ASIC1: variants seen among roughly 807,000 people sequenced by gnomAD.
The protein encoded by ASIC1 is acid-sensing ion channel 1.
In ASIC1, 21 loss-of-function variants were observed where a neutral mutation model predicts 63.4. The ratio of observed to expected loss-of-function variants is 0.33; its 90% CI spans 0.23 to 0.48. ASIC1 has a LOEUF of 0.48. Ranked by LOEUF, ASIC1 falls within the 20% of genes least tolerant of loss-of-function variation. The probability of loss-of-function intolerance (pLI) is 0.99; values close to 1 mark genes in which losing one functional copy is unlikely to be tolerated. For missense variants in ASIC1, 478 were observed against 695.5 expected, an observed-to-expected ratio of 0.69 and a Z score of 3.52; for synonymous variants, 258 against 278.2, an observed-to-expected ratio of 0.93 and a Z score of 0.72.
intron 3 of ASIC1, among the ~76,000 whole-genome samples, chr12:50,069,537 G>A (rs985541636): frequency 1.3e-5 from 2 of 151,984 alleles, no homozygotes; most frequent in Non-Finnish European, 2.9e-5. Flanking sequence ...CAAGTGATCC[G>A]CCCATTTCAG....
chr12:50,077,579 A>G (rs950232299), intron 4 of ASIC1, among the ~76,000 whole-genome samples: 2 of 150,766 alleles, frequency 1.3e-5, no homozygotes, highest in African/African-American at 4.9e-5. Context: ...GTAACCAGCC[A>G]TCCTCTTCCA....
At chr12:50,073,470 T>C (rs964035604) in intron 3 of ASIC1, 271 of 1,427,930 alleles carry the variant, frequency 1.9e-4, no homozygotes, top group Non-Finnish European at 2.3e-4. Flanking sequence ...GATACCTGGC[T>C]GACGGGCTGG....
In ASIC1 at chr12:50,078,646, T is replaced by A; in HGVS notation, c.994+69T>A. The A allele has an allele frequency of 6.3e-7, 1 of 1,591,036 alleles. No homozygotes were observed. Among genetic ancestry groups the A allele is most frequent in the Non-Finnish European group, 8.6e-7 (1 of 1,166,424 alleles). ...TTTGCTGCCCTTCACTAGCTCCCCA[T>A]CCATATCAATCTCCCAACCCCAGTT... is the stretch of plus-strand genomic sequence containing the variant. On this transcript the variant is annotated intron_variant, in intron 6 of 11. Transcript: ENST00000447966. The surrounding 1 kb of genome is among the most constrained non-coding windows in gnomAD (Gnocchi z 6.0).
Position 50,078,601 on chromosome 12 carries a change from A to G in ASIC1, c.994+24A>G, listed in dbSNP as rs1278314090. ...AGGTCAGGCCTGGGGCTCCGAGCAT[A>G]CTCCTGGGGTCCCTGGGCCTTTGCT... On this transcript the variant is annotated intron_variant, in intron 6 of 11. Transcript: ENST00000447966. This position sits in a 1 kb window ranked among gnomAD's most constrained non-coding sequence, Gnocchi z 6.0. 1.2e-6 allele frequency: 2 copies of G among 1,612,358 alleles called. No homozygotes were observed. The highest frequency in any genetic ancestry group is 2.7e-5 in the African/African-American group (2 of 74,714).
Position 50,058,874 on chromosome 12 carries a change from CGA to C in ASIC1, c.110_111del (p.Glu37AlafsTer64). On this transcript the variant is annotated frameshift_variant, in exon 2 of 12. Transcript: ENST00000447966. LOFTEE classifies it high-confidence loss of function. ...ACGGCCTGGCCCACATCTTCTCCTA[CGA>C]GCGGCTGTCTCTGAAGCGGGCACTG... ...LHGLAHIFSY[E>X]RLSLKRALWA... 1 of 1,614,120 alleles carries C rather than the reference CGA, an allele frequency of 6.2e-7. No individual in the cohort carries two copies. Among genetic ancestry groups the C allele is most frequent in the African/African-American group, 1.3e-5 (1 of 75,064 alleles).
At chr12:50,063,027 CA>C (rs2137812053) in intron 3 of ASIC1, among the ~76,000 whole-genome samples, 1 of 152,264 alleles carries the variant, frequency 6.6e-6, no homozygotes, top group African/African-American at 2.4e-5. Context: ...GGGAAGGTTT[CA>C]ATAGCTGCCT....
At chr12:50,065,447 T>C (rs910167190) in intron 3 of ASIC1, among the ~76,000 whole-genome samples, 1 of 152,180 alleles carries the variant, frequency 6.6e-6, no homozygotes, top group African/African-American at 2.4e-5. Flanking sequence ...GGTTGTAAAA[T>C]TATTCTTTAT....
intron 3 of ASIC1, among the ~76,000 whole-genome samples, chr12:50,076,098 T>C (rs1275704732): frequency 6.6e-6 from 1 of 152,228 alleles, no homozygotes; most frequent in Non-Finnish European, 1.5e-5. Flanking sequence ...CAACTGGGTC[T>C]ACTTTCAGGT....
rs769728333 is a variant in ASIC1, at chr12:50,081,295, C to G, written c.1413C>G (p.Cys471Trp). Residue 471 changes from cysteine to tryptophan, a missense_variant, in exon 11 of 12, where the codon TGC becomes TGG. Physicochemically the swap from Cys to Trp is radical, Grantham distance 215. This residue lies in a region of ASIC1 where 104 missense variants were observed against 97.0 expected (regional missense o/e 1.07). Transcript: ENST00000447966. ...IKHKLCRRGK[C>W]QKEAKRSSAD... ...ACAAGCTGTGCCGACGAGGAAAATG[C>G]CAGAAGGAGGCCAAAAGGAGCAGTG... is the stretch of plus-strand genomic sequence containing the variant. The G allele has an allele frequency of 8.1e-6, 13 of 1,610,018 alleles. No individual in the cohort carries two copies. The East Asian group carries it at 2.2e-4, about 28-fold the overall frequency.
chr12:50,078,022 C>T lies in ASIC1; in HGVS notation c.732C>T (p.Gly244=). 6.2e-7 allele frequency: 1 copy of T among 1,613,600 alleles called. No individual in the cohort carries two copies. Among genetic ancestry groups the T allele is most frequent in the South Asian group, 1.1e-5 (1 of 91,042 alleles). ...TAGACGAGACGTCCTTCGAAGCAGG[C>T]ATCAAAGTGCAGATCCATAGTCAGG... ...GETDETSFEA[G]IKVQIHSQDE... The change falls in exon 5 of 12, where the codon GGC becomes GGT. Residue 244 remains glycine (G), a synonymous_variant. Coordinates refer to ENST00000447966, the MANE Select transcript of ASIC1 (RefSeq NM_001095.4). The surrounding 1 kb of genome is among the most constrained non-coding windows in gnomAD (Gnocchi z 6.0).
At chr12:50,061,189 G>A (rs957261304) in intron 3 of ASIC1, among the ~76,000 whole-genome samples, 5 of 151,912 alleles carry the variant, frequency 3.3e-5, no homozygotes, top group Admixed American at 6.6e-5. Flanking sequence ...TTTTCTCCCC[G>A]CTTGCTTGCT....
At chr12:50,076,409 G>A (rs1209701115) in intron 3 of ASIC1, among the ~76,000 whole-genome samples, 1 of 151,952 alleles carries the variant, frequency 6.6e-6, no homozygotes. Context: ...GGAAGTTGCA[G>A]TGAGCTGAGA....
chr12:50,066,056 G>C (rs1950542327), intron 3 of ASIC1, among the ~76,000 whole-genome samples: 1 of 152,214 alleles, frequency 6.6e-6, no homozygotes. Flanking sequence ...GGCCCATGCA[G>C]CTTGGTGTGT....
Position 50,069,089 on chromosome 12 carries a change from A to G in ASIC1, c.559-8124A>G, listed in dbSNP as rs945925963. Among the ~76,000 whole-genome samples, 17 of 151,808 alleles carry G rather than the reference A, an allele frequency of 1.1e-4. 1 individual carries two copies. In the East Asian group the frequency reaches 3.3e-3, roughly 30 times the overall value. ...TGCCTTTACCCACCTCTCCAGCCAC[A>G]CTTGCCCCTTCTCATCTCTCTCCTT... is the stretch of plus-strand genomic sequence containing the variant. On this transcript the variant is annotated intron_variant, in intron 3 of 11. Coordinates refer to ENST00000447966, the MANE Select transcript of ASIC1 (RefSeq NM_001095.4).
chr12:50,075,714 A>G (rs1950649004), intron 3 of ASIC1, among the ~76,000 whole-genome samples: 1 of 150,662 alleles, frequency 6.6e-6, no homozygotes, highest in Non-Finnish European at 1.5e-5. Context: ...CTGGCCTGAA[A>G]CTCTTTTGTC....
At chr12:50,070,531 C>G (rs1472538927) in intron 3 of ASIC1, among the ~76,000 whole-genome samples, 1 of 152,122 alleles carries the variant, frequency 6.6e-6, no homozygotes, top group Non-Finnish European at 1.5e-5. Flanking sequence ...TTGCACCCAA[C>G]TTACTGTCCT....
chr12:50,059,726 C>G lies in ASIC1; in HGVS notation c.363-33C>G. On this transcript the variant is annotated intron_variant, in intron 2 of 11. Coordinates refer to ENST00000447966, the MANE Select transcript of ASIC1 (RefSeq NM_001095.4). The surrounding 1 kb of genome is among the most constrained non-coding windows in gnomAD (Gnocchi z 4.6). ...TGGGTGCAGGACACTGATGACTGTACTGACCCGTGTGTCACTCACCCCCGG... is the reference window on the plus strand; with the variant it reads ...TGGGTGCAGGACACTGATGACTGTAGTGACCCGTGTGTCACTCACCCCCGG... 1 of 1,600,254 alleles carries G rather than the reference C, an allele frequency of 6.2e-7. No individual in the cohort carries two copies.
Position 50,081,200 on chromosome 12 carries a change from C to T in ASIC1, c.1377+19C>T, listed in dbSNP as rs1392787441. On this transcript the variant is annotated intron_variant, in intron 10 of 11. Transcript: ENST00000447966. ...CTACGAGGTAAGCGGGGGCGAGGCC[C>T]GGCACGGGGCCACGTGGGGGCGGGG... 9 of 1,608,372 alleles carry T rather than the reference C, an allele frequency of 5.6e-6. No individual in the cohort carries two copies. The highest frequency in any genetic ancestry group is 2.2e-5 in the East Asian group (1 of 44,660).
Position 50,081,699 on chromosome 12 carries a change from C to T in ASIC1, c.*50C>T, listed in dbSNP as rs768972731. ...GCCTAGATGGGGAGGACTAGGAGAG[C>T]GAGGGGGCCCCCAGCTGCCTCCTCA... On this transcript the variant is annotated 3_prime_UTR_variant, in exon 12 of 12. Coordinates refer to ENST00000447966, the MANE Select transcript of ASIC1 (RefSeq NM_001095.4). 1.5e-5 allele frequency: 23 copies of T among 1,572,740 alleles called. No homozygotes were observed. Among genetic ancestry groups the T allele is most frequent in the Non-Finnish European group, 1.9e-5 (22 of 1,154,818 alleles).
Sources: gnomAD v4.1 joint callset for allele counts (sites outside exome capture counted in the v4.1 genomes callset) on GRCh38, gnomAD v4.1.1 for gene constraint, gnomAD v4.1.1 regional missense constraint, Gnocchi (gnomAD v3.1) non-coding constraint, MANE v1.5 for transcripts, NCBI Gene and HGNC (gene_info 2026-07-23, HGNC 2026-07-21) for gene names.